Variants in VGLL4 observed in about 807,000 individuals in gnomAD.
VGLL4 encodes vestigial like family member 4, also known as transcription cofactor vestigial-like protein 4.
Under a neutral mutation model 21.0 loss-of-function variants are expected in VGLL4, and 7 were observed. The ratio of observed to expected loss-of-function variants is 0.33; its 90% CI spans 0.19 to 0.63. The LOEUF (loss-of-function observed/expected upper bound fraction) is 0.63, where lower values mean the gene tolerates loss of function less well. Ranked by LOEUF, VGLL4 falls within the 20% of genes least tolerant of loss-of-function variation. The pLI, the probability that VGLL4 is intolerant of heterozygous loss-of-function variation, is 0.78. For missense variants in VGLL4, 394 were observed against 425.7 expected, an observed-to-expected ratio of 0.93 and a Z score of 0.66; for synonymous variants, 222 against 173.2, an observed-to-expected ratio of 1.28 and a Z score of -2.21.
At chr3:11,582,590 A>G (rs183541253) in intron 2 of VGLL4, among the ~76,000 whole-genome samples, 15 of 152,272 alleles carry the variant, frequency 9.9e-5, no homozygotes, top group Admixed American at 4.6e-4. Flanking sequence ...GAGAAAATAG[A>G]TTTGCTGTCA....
chr3:11,694,700 C>G (rs2076579918), intron 2 of VGLL4, among the ~76,000 whole-genome samples: 2 of 151,842 alleles, frequency 1.3e-5, no homozygotes, highest in Admixed American at 6.6e-5. Context: ...CAAATTATGT[C>G]ACCACAACCT....
chr3:11,596,391 C>CT (rs2074641238), intron 2 of VGLL4, among the ~76,000 whole-genome samples: 1 of 152,158 alleles, frequency 6.6e-6, no homozygotes, highest in African/African-American at 2.4e-5. Context: ...ATCCTGAACT[C>CT]TTTTTAGTTT....
At chr3:11,668,411 A>T (rs2076157918) in intron 2 of VGLL4, among the ~76,000 whole-genome samples, 1 of 152,164 alleles carries the variant, frequency 6.6e-6, no homozygotes, top group African/African-American at 2.4e-5. Context: ...CTAAAAGTGC[A>T]GCCACCTACC....
chr3:11,610,895 G>A (rs2075048508), intron 1 of VGLL4: 1 of 152,152 alleles, frequency 6.6e-6, no homozygotes, highest in South Asian at 2.1e-4. Context: ...TTTTCTTAAT[G>A]CAGCCCTGTG....
intron 1 of VGLL4, among the ~76,000 whole-genome samples, chr3:11,606,995 C>T (rs746089565): frequency 3.3e-5 from 5 of 152,138 alleles, no homozygotes; most frequent in Admixed American, 6.5e-5. Flanking sequence ...GAACCAACTC[C>T]GGACACAGCA....
At chr3:11,686,561 G>A (rs969502713) in intron 2 of VGLL4, among the ~76,000 whole-genome samples, 3 of 152,182 alleles carry the variant, frequency 2.0e-5, no homozygotes, top group Admixed American at 6.5e-5. Context: ...TTTACACAAT[G>A]AAAAGAGTTA....
At chr3:11,559,779 G>A (rs920763033) in intron 3 of VGLL4, among the ~76,000 whole-genome samples, 1 of 152,202 alleles carries the variant, frequency 6.6e-6, no homozygotes, top group African/African-American at 2.4e-5. Flanking sequence ...GGAGGACAGA[G>A]GGTTGCAGGA....
chr3:11,580,546 T>C (rs2074195665), intron 2 of VGLL4, among the ~76,000 whole-genome samples: 1 of 152,256 alleles, frequency 6.6e-6, no homozygotes. Context: ...ATAATTCTGT[T>C]TAATGTTCAA....
intron 2 of VGLL4, among the ~76,000 whole-genome samples, chr3:11,580,263 C>T (rs1236851489): frequency 1.3e-5 from 2 of 152,224 alleles, no homozygotes; most frequent in East Asian, 3.8e-4. Flanking sequence ...AATCATACAA[C>T]ATTTGTCTTT....
At chr3:11,631,402 C>T (rs1467965366) in intron 1 of VGLL4, among the ~76,000 whole-genome samples, 1 of 152,122 alleles carries the variant, frequency 6.6e-6, no homozygotes. Context: ...AAACACTAAA[C>T]CTAAATATAA....
chr3:11,588,233 G>A (rs1433228663), intron 2 of VGLL4, among the ~76,000 whole-genome samples: 2 of 152,246 alleles, frequency 1.3e-5, no homozygotes, highest in East Asian at 3.8e-4. Flanking sequence ...CTACAGACCT[G>A]AGCAAATTCA....
At chr3:11,631,132 T>C (rs1044647389) in intron 1 of VGLL4, among the ~76,000 whole-genome samples, 2 of 152,202 alleles carry the variant, frequency 1.3e-5, no homozygotes, top group East Asian at 1.9e-4. Flanking sequence ...CAAATTACTT[T>C]ATACGACGTT....
At chr3:11,711,294 C>A (rs552619501) in intron 1 of VGLL4, among the ~76,000 whole-genome samples, 2 of 152,132 alleles carry the variant, frequency 1.3e-5, no homozygotes, top group East Asian at 1.9e-4. Flanking sequence ...AATCCCAGCA[C>A]TTTGGGAGGC....
intron 1 of VGLL4, among the ~76,000 whole-genome samples, chr3:11,615,077 C>G (rs888887384): frequency 6.6e-6 from 1 of 152,160 alleles, no homozygotes; most frequent in African/African-American, 2.4e-5. Flanking sequence ...TCTTATTTCA[C>G]CCATAAATAC....
intron 2 of VGLL4, chr3:11,582,495 G>T: frequency 2.4e-6 from 2 of 830,120 alleles, no homozygotes; most frequent in Non-Finnish European, 3.7e-6. Context: ...ATGGGTCCTG[G>T]GGTAGGTCAG....
intron 1 of VGLL4, among the ~76,000 whole-genome samples, chr3:11,629,718 AG>A (rs2075435379): frequency 6.8e-6 from 1 of 147,000 alleles, no homozygotes; most frequent in African/African-American, 2.5e-5. Flanking sequence ...GCTGCACTCC[AG>A]CCTGGGCTAC....
At chr3:11,677,564 C>T (rs996273383) in intron 2 of VGLL4, among the ~76,000 whole-genome samples, 5 of 152,054 alleles carry the variant, frequency 3.3e-5, no homozygotes, top group Non-Finnish European at 5.9e-5. Flanking sequence ...CATGAGCCAC[C>T]GCACCCAGCC....
At chr3:11,645,281 G>T (rs546906974), upstream of VGLL4, among the ~76,000 whole-genome samples, 130 of 151,862 alleles carry the variant, frequency 8.6e-4, 1 homozygote, top group Middle Eastern at 3.4e-3. Context: ...ATAATTTGAA[G>T]GAGTTGTATG....
intron 2 of VGLL4, among the ~76,000 whole-genome samples, chr3:11,585,995 T>TCCCATGAAAGCCCCCAAC (rs1164446021): frequency 1.3e-5 from 2 of 152,052 alleles, no homozygotes; most frequent in Non-Finnish European, 2.9e-5. Flanking sequence ...GGTCCCCTCT[T>TCCCATGAAAGCCCCCAAC]CCCATGAAAG....
Sources: gnomAD v4.1 joint callset for allele counts (sites outside exome capture counted in the v4.1 genomes callset) on GRCh38, gnomAD v4.1.1 for gene constraint, MANE v1.5 for transcripts, NCBI Gene and HGNC (gene_info 2026-07-23, HGNC 2026-07-21) for gene names.